The following ZNF438 variants were observed in gnomAD, a reference collection of about 807,000 sequenced individuals.
ZNF438 encodes the protein zinc finger protein 438.
A neutral mutation model predicts 38.0 loss-of-function variants in ZNF438; 25 were observed. The ratio of observed to expected loss-of-function variants is 0.66; its 90% CI spans 0.48 to 0.92. The LOEUF is 0.92. Among genes scored for constraint, ZNF438 ranks in the 40% least tolerant of loss-of-function variants. The pLI is 0.00. For missense variants in ZNF438, 1,007 were observed against 999.6 expected (o/e 1.01, Z -0.10); for synonymous variants, 372 against 364.1 (o/e 1.02, Z -0.25).
chr10:30,898,152 G>C (rs1052232149), intron 3 of ZNF438, among the ~76,000 whole-genome samples: 1 of 152,156 alleles, frequency 6.6e-6, no homozygotes, highest in Non-Finnish European at 1.5e-5. Flanking sequence ...ATTGCTAAGG[G>C]TGGTAGCCTC....
At position 30,845,240 on chromosome 10, in the gene ZNF438, G is replaced by A. The variant is rs183453740; in HGVS notation, c.2208C>T (p.Gly736=). 1.4e-4 allele frequency: 224 copies of A among 1,614,120 alleles called. 1 individual carries two copies. In the East Asian group the frequency reaches 3.4e-3, roughly 25 times the overall value. The change falls in exon 6 of 6, where the codon GGC becomes GGT. Residue 736 remains glycine, a synonymous_variant. Coordinates refer to ENST00000413025, the Ensembl canonical transcript of ZNF438. The stretch of plus-strand genomic sequence containing the variant: ...CTTCATTTTCCATGAGCATTTCCAC[G>A]CCATTCTGATGAAGGTGGAGCTGCC...
intron 1 of ZNF438, among the ~76,000 whole-genome samples, chr10:31,018,777 G>A (rs2056387947): frequency 6.6e-6 from 1 of 152,182 alleles, no homozygotes; most frequent in Non-Finnish European, 1.5e-5. Flanking sequence ...TGTTCCACAA[G>A]GTCATCCAGG....
intron 4 of ZNF438, among the ~76,000 whole-genome samples, chr10:30,862,279 C>T (rs2994660): frequency 0.78 from 119,095 of 152,044 alleles, 47,584 homozygotes; most frequent in African/African-American, 0.92. Flanking sequence ...CACCAACAAA[C>T]TAAAAATGGG....
chr10:30,880,473 AT>A (rs2039094667), intron 3 of ZNF438, among the ~76,000 whole-genome samples: 1 of 151,868 alleles, frequency 6.6e-6, no homozygotes, highest in African/African-American at 2.4e-5. Flanking sequence ...AAAAACAAAA[AT>A]AATGCAAGTC....
intron 2 of ZNF438, among the ~76,000 whole-genome samples, chr10:30,933,568 T>C (rs1036776497): frequency 2.0e-5 from 3 of 152,170 alleles, no homozygotes; most frequent in Non-Finnish European, 4.4e-5. Flanking sequence ...CTGTGAGTTA[T>C]GATAAGGCCA....
chr10:30,932,838 G>A (rs1052417629), intron 2 of ZNF438, among the ~76,000 whole-genome samples: 1 of 152,192 alleles, frequency 6.6e-6, no homozygotes, highest in Non-Finnish European at 1.5e-5. Context: ...CTCACAAGAG[G>A]AGGAAAATTT....
intron 4 of ZNF438, among the ~76,000 whole-genome samples, chr10:30,874,145 TA>T (rs1304190280): frequency 1.3e-5 from 1 of 74,966 alleles, no homozygotes; most frequent in Non-Finnish European, 2.5e-5. Flanking sequence ...TATATATATA[TA>T]TATATATATA....
chr10:30,985,854 T>C (rs2136562469), intron 1 of ZNF438, among the ~76,000 whole-genome samples: 2 of 152,300 alleles, frequency 1.3e-5, no homozygotes, highest in South Asian at 4.1e-4. Context: ...ATTTTATGTA[T>C]ATTTCTGTTT....
At chr10:30,902,021 CAGTG>C (rs1038505695) in intron 3 of ZNF438, among the ~76,000 whole-genome samples, 1 of 121,114 alleles carries the variant, frequency 8.3e-6, no homozygotes, top group African/African-American at 2.7e-5. Context: ...CAGACCTTCG[CAGTG>C]AGTGTTACAG....
intron 1 of ZNF438, among the ~76,000 whole-genome samples, chr10:30,968,606 G>A (rs565331371): frequency 4.0e-5 from 6 of 151,804 alleles, no homozygotes; most frequent in Admixed American, 3.3e-4. Context: ...ACCACACCTG[G>A]CTAATTTTGT....
chr10:30,863,899 C>G (rs2035990691), intron 4 of ZNF438, among the ~76,000 whole-genome samples: 1 of 152,208 alleles, frequency 6.6e-6, no homozygotes, highest in Non-Finnish European at 1.5e-5. Flanking sequence ...ATTGTGAACG[C>G]TGGACAGTGT....
At chr10:30,900,224 TG>T (rs1349697041) in intron 3 of ZNF438, among the ~76,000 whole-genome samples, 2 of 152,188 alleles carry the variant, frequency 1.3e-5, no homozygotes, top group African/African-American at 4.8e-5. Flanking sequence ...TATCATCCTT[TG>T]TTTTTTTTCA....
intron 2 of ZNF438, among the ~76,000 whole-genome samples, chr10:30,917,241 A>G (rs555549524): frequency 2.0e-4 from 31 of 152,108 alleles, no homozygotes; most frequent in African/African-American, 7.0e-4. Flanking sequence ...CCATTCTCTT[A>G]CTGATGGGAA....
At chr10:30,847,712 C>T (rs1011355798) in intron 5 of ZNF438, among the ~76,000 whole-genome samples, 9 of 152,208 alleles carry the variant, frequency 5.9e-5, no homozygotes, top group African/African-American at 2.2e-4. Flanking sequence ...ACATCATGTT[C>T]CTGGTGCCAA....
At chr10:30,922,427 T>G (rs2044405755) in intron 2 of ZNF438, among the ~76,000 whole-genome samples, 1 of 152,224 alleles carries the variant, frequency 6.6e-6, no homozygotes, top group African/African-American at 2.4e-5. Flanking sequence ...AGTTTGAAAA[T>G]AAATACCAGC....
At chr10:30,922,028 T>C (rs2044354076) in intron 2 of ZNF438, among the ~76,000 whole-genome samples, 1 of 152,248 alleles carries the variant, frequency 6.6e-6, no homozygotes, top group Non-Finnish European at 1.5e-5. Context: ...GTTCTTTCCA[T>C]GTCTCATACA....
chr10:30,856,425 C>T (rs2133002167), intron 4 of ZNF438, among the ~76,000 whole-genome samples: 1 of 152,246 alleles, frequency 6.6e-6, no homozygotes, highest in Admixed American at 6.5e-5. Context: ...GGAGTCCTTA[C>T]AGAAGCTGAA....
At chr10:31,000,697 T>C (rs2054562067) in intron 1 of ZNF438, among the ~76,000 whole-genome samples, 1 of 151,768 alleles carries the variant, frequency 6.6e-6, no homozygotes, top group Non-Finnish European at 1.5e-5. Context: ...GAACTGTGCA[T>C]AATGTAAAGC....
intron 3 of ZNF438, among the ~76,000 whole-genome samples, chr10:30,906,540 T>G (rs1045173256): frequency 1.3e-5 from 2 of 152,226 alleles, no homozygotes; most frequent in African/African-American, 4.8e-5. Flanking sequence ...TTCTTCTGGC[T>G]TTCCAATCTG....
Sources: gnomAD v4.1 joint callset for allele counts (sites outside exome capture counted in the v4.1 genomes callset) on GRCh38, gnomAD v4.1.1 for gene constraint, MANE v1.5 for transcripts, NCBI Gene and HGNC (gene_info 2026-07-23, HGNC 2026-07-21) for gene names.